The following RAD9B variants were observed in gnomAD, a reference collection of about 807,000 sequenced individuals.
RAD9B encodes the protein cell cycle checkpoint control protein RAD9B.
Under a neutral mutation model 48.3 loss-of-function variants are expected in RAD9B, and 41 were observed. The ratio of observed to expected loss-of-function variants is 0.85; its 90% CI spans 0.66 to 1.10. RAD9B has a LOEUF of 1.10. Among genes scored for constraint, RAD9B ranks in the 50% least tolerant of loss-of-function variants. RAD9B has a pLI of 0.00. For missense variants in RAD9B, 444 were observed against 485.1 expected (o/e 0.92, Z 0.80); for synonymous variants, 160 against 157.9 (o/e 1.01, Z -0.10).
chr12:110,530,327 G>C (rs2064096422), intron 10 of RAD9B, among the ~76,000 whole-genome samples, 198 bp from the exon 11 acceptor site: 1 of 152,152 alleles, frequency 6.6e-6, no homozygotes, highest in African/African-American at 2.4e-5. Flanking sequence ...TTACAGGCGT[G>C]AGCCACCATG....
In RAD9B at chr12:110,531,401, A is replaced by AGGGT. The variant is rs1391731980; in HGVS notation, c.*751_*754dup. ...GAGACAGGGTTTCGCCATGTTGGCC[A>AGGGT]GGGTGGTCTTGAACTCCTGGCCTCA... On this transcript the variant is annotated 3_prime_UTR_variant, in exon 11 of 11. Coordinates refer to ENST00000409300, the MANE Select transcript of RAD9B (RefSeq NM_001286535.2). 9.6e-6 allele frequency: 5 copies of AGGGT among 521,784 alleles called. No homozygotes were observed. The African/African-American group carries it at 9.9e-5, about 10-fold the overall frequency. 32.3% of individuals were successfully genotyped at this position (521,784 alleles called of 1,614,324 possible). A position where few individuals can be genotyped will look rare whatever the true frequency, so the allele number is the denominator to read the frequency against.
chr12:110,507,045 G>A (rs552224568), intron 4 of RAD9B, among the ~76,000 whole-genome samples: 56 of 151,910 alleles, frequency 3.7e-4, no homozygotes, highest in African/African-American at 1.3e-3. Context: ...TCACCGTGTT[G>A]GCCAGGCTGA....
At chr12:110,525,565 G>A (rs2063911408) in intron 10 of RAD9B, among the ~76,000 whole-genome samples, 1 of 152,028 alleles carries the variant, frequency 6.6e-6, no homozygotes, top group African/African-American at 2.4e-5. Context: ...TTTGTACATC[G>A]TATCTGGAGG....
rs2063693722 is a variant in RAD9B, at chr12:110,519,002, G to T, written c.767+64G>T. On this transcript the variant is annotated intron_variant, in intron 8 of 10. Coordinates refer to ENST00000409300, the MANE Select transcript of RAD9B (RefSeq NM_001286535.2). ...TTTTATATCAATAACAAAACCTTTTGGATCACTTTGAAATTAATTAACACC... is the reference window on the plus strand; with the variant it reads ...TTTTATATCAATAACAAAACCTTTTTGATCACTTTGAAATTAATTAACACC... 4.5e-6 allele frequency: 5 copies of T among 1,113,318 alleles called. No individual in the cohort carries two copies. The South Asian group carries it at 7.4e-5, about 17-fold the overall frequency. 69.0% of individuals were successfully genotyped at this position (1,113,318 alleles called of 1,614,324 possible). A position where few individuals can be genotyped will look rare whatever the true frequency, so the allele number is the denominator to read the frequency against.
At chr12:110,508,766 C>G in intron 4 of RAD9B, among the ~76,000 whole-genome samples, 1 of 151,884 alleles carries the variant, frequency 6.6e-6, no homozygotes, top group Non-Finnish European at 1.5e-5. Context: ...TGGTTTGATC[C>G]AGGGTGCAGC....
chr12:110,508,650 C>T (rs561535043), intron 4 of RAD9B, among the ~76,000 whole-genome samples: 1 of 152,290 alleles, frequency 6.6e-6, no homozygotes, highest in Admixed American at 6.5e-5. Flanking sequence ...TTTGTAGAGT[C>T]AGGGTCTCGT....
At position 110,506,583 on chromosome 12, in the gene RAD9B, T is replaced by C. The variant is rs376546602; in HGVS notation, c.278T>C (p.Ile93Thr). 3.4e-6 allele frequency: 5 copies of C among 1,474,232 alleles called. No individual in the cohort carries two copies. Among genetic ancestry groups the C allele is most frequent in the Non-Finnish European group, 4.7e-6 (5 of 1,054,002 alleles). The allele number at this position is 1,474,232 out of a possible 1,614,324, so 91.3% of individuals were successfully genotyped here. A position where few individuals can be genotyped will look rare whatever the true frequency, so the allele number is the denominator to read the frequency against. Residue 93 changes from isoleucine to threonine, a missense_variant, in exon 4 of 11, where the codon ATT becomes ACT. By Grantham distance (89) the Ile-to-Thr change is moderately conservative. Coordinates refer to ENST00000409300, the MANE Select transcript of RAD9B (RefSeq NM_001286535.2). ...ATATGTATATTTCTGTTACAGTCAA[T>C]TTTGCCCATCTTTAGATGTCTGAAT... ...HLKCKLGMKS[I>T]LPIFRCLNSL...
chr12:110,507,498 ATG>A (rs1223627572), intron 4 of RAD9B, among the ~76,000 whole-genome samples: 1 of 28,748 alleles, frequency 3.5e-5, no homozygotes, highest in Non-Finnish European at 9.9e-5. Flanking sequence ...TACATAATAT[ATG>A]TATTAAATAT....
chr12:110,533,085 G>A lies in RAD9B; in HGVS notation c.*2432G>A, dbSNP rs953037900. Among the ~76,000 whole-genome samples the A allele has an allele frequency of 6.6e-6, 1 of 152,144 alleles. No individual in the cohort carries two copies. The highest frequency in any genetic ancestry group is 2.4e-5 in the African/African-American group (1 of 41,414). On this transcript the variant is annotated 3_prime_UTR_variant, in exon 11 of 11. Transcript: ENST00000409300. Reference sequence around the variant, plus strand: ...GATGAATTTCTGAGGAAGCTAAACTGATGTAGTGAAGCAGCTGGAGCCAGT... The same window carrying A: ...GATGAATTTCTGAGGAAGCTAAACTAATGTAGTGAAGCAGCTGGAGCCAGT...
rs1381899260 is a variant in RAD9B at position 110,522,189 on chromosome 12, TG to T, written c.904del (p.Glu302LysfsTer8). On this transcript the variant is annotated frameshift_variant, in exon 10 of 11. Transcript: ENST00000409300. LOFTEE classifies it high-confidence loss of function. ...ATTAATACCTCAGGTCAGATCTGAT[TG>T]AAAAAAAGGCTGGCAAAAATGTAAC... ...SQKRKRSDLI[E>X]KKAGKNVTGQ... The T allele has an allele frequency of 2.5e-6, 4 of 1,583,424 alleles. No homozygotes were observed.
rs984181939 is a variant in RAD9B, at chr12:110,513,733, A to T, written c.488+855A>T. On this transcript the variant is annotated intron_variant, in intron 5 of 10. Transcript: ENST00000409300. ...TATTATTATTATTATTATTATTATT[A>T]TTATTTTTGAGACAGAGTCTCCCTC... is the stretch of plus-strand genomic sequence containing the variant. Among the ~76,000 whole-genome samples, 7 of 109,422 alleles carry T rather than the reference A, an allele frequency of 6.4e-5. No individual in the cohort carries two copies. In the South Asian group the frequency reaches 1.2e-3, roughly 19 times the overall value. 71.8% of individuals were successfully genotyped at this position (109,422 alleles called of 152,430 possible).
intron 4 of RAD9B, chr12:110,508,022 G>A (rs2063347989): frequency 6.0e-6 from 1 of 167,402 alleles, no homozygotes; most frequent in African/African-American, 2.4e-5. Flanking sequence ...TCTTTAAATT[G>A]TTTCCTATAA....
chr12:110,505,550 G>C, intron 2 of RAD9B, 67 bp from the exon 3 acceptor site: 1 of 1,373,196 alleles, frequency 7.3e-7, no homozygotes. Context: ...CAAAGTGCTT[G>C]GATTACAGGT....
chr12:110,507,441 A>G (rs928030838), intron 4 of RAD9B, among the ~76,000 whole-genome samples: 178 of 140,052 alleles, frequency 1.3e-3, no homozygotes, highest in African/African-American at 4.4e-3. Flanking sequence ...TGTATTAAAT[A>G]TAATATATAA....
Position 110,519,831 on chromosome 12 carries a change from G to T in RAD9B, c.805G>T (p.Ala269Ser). The T allele has an allele frequency of 6.2e-7, 1 of 1,613,168 alleles. No homozygotes were observed. The highest frequency in any genetic ancestry group is 1.3e-5 in the African/African-American group (1 of 74,982). ...GAGTATTGATGATATGTTAGTGGAA[G>T]CTAACTTTATTTTGGCCACATTAGC... ...ALSIDDMLVE[A>S]NFILATLADE... is the part of the protein sequence containing the mutation. The change falls in exon 9 of 11, where the codon GCT becomes TCT. Residue 269 changes from alanine (A) to serine (S), a missense_variant. Coordinates refer to ENST00000409300, the MANE Select transcript of RAD9B (RefSeq NM_001286535.2).
rs2064151734 is a variant in RAD9B at position 110,531,945 on chromosome 12, C to T, written c.*1292C>T. 1 of 299,668 alleles carries T rather than the reference C, an allele frequency of 3.3e-6. No individual in the cohort carries two copies. The highest frequency in any genetic ancestry group is 4.7e-5 in the South Asian group (1 of 21,128). 18.6% of individuals were successfully genotyped at this position (299,668 alleles called of 1,614,324 possible). The stretch of plus-strand genomic sequence containing the variant: ...TGTACTTTAGACTTTGTGAGAAATT[C>T]ATAAAGGTGGCTGAGTGGATTTGCA... On this transcript the variant is annotated 3_prime_UTR_variant, in exon 11 of 11. Coordinates refer to ENST00000409300, the MANE Select transcript of RAD9B (RefSeq NM_001286535.2).
intron 4 of RAD9B, 34 bp downstream of exon 4, chr12:110,506,727 G>GT (rs1473236796): frequency 2.0e-6 from 2 of 1,002,408 alleles, no homozygotes; most frequent in African/African-American, 1.6e-5. Flanking sequence ...AAAATACTAT[G>GT]TTTTTTTCTC....
intron 1 of RAD9B, 28 bp from the exon 2 acceptor site, chr12:110,503,778 T>C (rs781069536): frequency 6.6e-7 from 1 of 1,525,644 alleles, no homozygotes; most frequent in Non-Finnish European, 9.0e-7. Context: ...GGAAAGAATA[T>C]AAGCATCACC....
intron 5 of RAD9B, 92 bp downstream of exon 5, chr12:110,512,970 ATT>A (rs757552053): frequency 0.015 from 8,131 of 546,632 alleles, no homozygotes; most frequent in East Asian, 0.019. Flanking sequence ...CAGTCGGCAC[ATT>A]TTTTTTTTTT....
Sources: allele counts gnomAD v4.1 joint callset (sites outside exome capture counted in the v4.1 genomes callset), GRCh38; gene constraint gnomAD v4.1.1; transcripts MANE v1.5; gene names NCBI Gene and HGNC (gene_info 2026-07-23, HGNC 2026-07-21).